The following GPR158 variants were observed in gnomAD, a reference collection of about 807,000 sequenced individuals.
GPR158 encodes the protein metabotropic glycine receptor.
GPR158 carries 30 observed loss-of-function variants against 78.2 expected under a neutral mutation model. That is an observed-to-expected ratio of 0.38 (90% CI 0.29 to 0.52). GPR158 has a LOEUF of 0.52. Ranked by LOEUF, GPR158 falls within the 20% of genes least tolerant of loss-of-function variation. The pLI, the probability that GPR158 is intolerant of heterozygous loss-of-function variation, is 0.83. For missense variants in GPR158, 1,463 were observed against 1,523.5 expected (o/e 0.96, Z 0.66); for synonymous variants, 581 against 591.1 (o/e 0.98, Z 0.25).
chr10:25,309,443 T>A (rs1398428419), intron 2 of GPR158, among the ~76,000 whole-genome samples: 1 of 152,220 alleles, frequency 6.6e-6, no homozygotes, highest in Non-Finnish European at 1.5e-5. Flanking sequence ...TTTCTGTATA[T>A]TCTGGATATA....
At chr10:25,456,426 G>A (rs1158267521) in intron 4 of GPR158, among the ~76,000 whole-genome samples, 1 of 152,160 alleles carries the variant, frequency 6.6e-6, no homozygotes, top group Non-Finnish European at 1.5e-5. Context: ...ACAGAGGATA[G>A]ACAGTGTGTT....
chr10:25,452,459 A>C (rs985886655), intron 4 of GPR158, among the ~76,000 whole-genome samples: 2 of 152,220 alleles, frequency 1.3e-5, no homozygotes, highest in Non-Finnish European at 2.9e-5. Context: ...TATTTGTGGC[A>C]GTGGAAGAGA....
At chr10:25,577,362 C>T (rs1466065865) in intron 7 of GPR158, among the ~76,000 whole-genome samples, 2 of 152,038 alleles carry the variant, frequency 1.3e-5, no homozygotes. Flanking sequence ...TAGGCTTAAC[C>T]GTGAGGGTGG....
In GPR158 at chr10:25,324,589, A is replaced by G. The variant is rs546627732; in HGVS notation, c.1009-71322A>G. ...ATTTGAAATGTTTCAAGAATTACCA[A>G]AATGTGACACACAGACGCAAAGTGA... On this transcript the variant is annotated intron_variant, in intron 2 of 10. Coordinates refer to ENST00000376351, the MANE Select transcript of GPR158 (RefSeq NM_020752.3). Among the ~76,000 whole-genome samples the G allele has an allele frequency of 6.0e-4, 91 of 152,306 alleles. 2 individuals are homozygous for G. In the South Asian group the frequency reaches 0.018, roughly 31 times the overall value.
chr10:25,580,305 C>T (rs1271323620), intron 7 of GPR158, among the ~76,000 whole-genome samples: 3 of 152,116 alleles, frequency 2.0e-5, no homozygotes. Context: ...AATACACAGT[C>T]TTTATTCTTC....
intron 4 of GPR158, among the ~76,000 whole-genome samples, chr10:25,432,309 G>A (rs902468657): frequency 7.2e-5 from 11 of 152,220 alleles, no homozygotes; most frequent in African/African-American, 2.4e-4. Flanking sequence ...CTCTGTTGGT[G>A]AAGGTGTTAG....
intron 2 of GPR158, among the ~76,000 whole-genome samples, chr10:25,361,216 A>G (rs1025850674): frequency 6.6e-6 from 1 of 151,960 alleles, no homozygotes; most frequent in African/African-American, 2.4e-5. Context: ...CTTATTTCAC[A>G]TAGCATAATG....
intron 2 of GPR158, among the ~76,000 whole-genome samples, chr10:25,248,788 G>C (rs1853743891): frequency 6.6e-6 from 1 of 150,746 alleles, no homozygotes; most frequent in East Asian, 1.9e-4. Flanking sequence ...GGATTGACTT[G>C]GCGATGTGGG....
chr10:25,188,359 C>T (rs993922802), intron 1 of GPR158, among the ~76,000 whole-genome samples: 1 of 152,204 alleles, frequency 6.6e-6, no homozygotes, highest in Admixed American at 6.5e-5. Flanking sequence ...AAGCTGGAGG[C>T]ATCATGCCAG....
At chr10:25,318,762 G>A (rs181909873) in intron 2 of GPR158, among the ~76,000 whole-genome samples, 1 of 152,144 alleles carries the variant, frequency 6.6e-6, no homozygotes, top group African/African-American at 2.4e-5. Context: ...TTATTAAAAT[G>A]AAAGTCTGAC....
chr10:25,556,511 G>C (rs1204565008), intron 6 of GPR158, among the ~76,000 whole-genome samples: 1 of 152,186 alleles, frequency 6.6e-6, no homozygotes, highest in Non-Finnish European at 1.5e-5. Context: ...CTGAACTCAT[G>C]GAGGTTTCTG....
intron 4 of GPR158, among the ~76,000 whole-genome samples, chr10:25,454,872 C>T (rs115196776): frequency 1.3e-5 from 2 of 152,002 alleles, no homozygotes; most frequent in Non-Finnish European, 2.9e-5. Context: ...ATTTCTTCTC[C>T]CCTTGAATAT....
intron 5 of GPR158, among the ~76,000 whole-genome samples, chr10:25,549,817 T>C (rs1445376307): frequency 6.6e-6 from 1 of 152,110 alleles, no homozygotes; most frequent in Non-Finnish European, 1.5e-5. Context: ...TTGTAAAATA[T>C]CAGCAAGAAA....
At chr10:25,242,731 CTT>C (rs1853642734) in intron 2 of GPR158, among the ~76,000 whole-genome samples, 2 of 152,146 alleles carry the variant, frequency 1.3e-5, no homozygotes, top group South Asian at 4.1e-4. Flanking sequence ...AGCTCAGTAA[CTT>C]GAGTGTACTT....
chr10:25,439,741 C>T (rs1259165909), intron 4 of GPR158, among the ~76,000 whole-genome samples: 1 of 152,138 alleles, frequency 6.6e-6, no homozygotes, highest in Non-Finnish European at 1.5e-5. Flanking sequence ...TACCTTGAAA[C>T]ATGTGGAAAG....
At position 25,354,480 on chromosome 10, in the gene GPR158, C is replaced by T. The variant is rs140820779; in HGVS notation, c.1009-41431C>T. Among the ~76,000 whole-genome samples the T allele has an allele frequency of 4.9e-3, 748 of 152,024 alleles. 9 individuals carry two copies. The highest frequency in any genetic ancestry group is 0.017 in the African/African-American group (726 of 41,516). ...AGCTCCATTCCCCGCTACATTTAGA[C>T]TTTGTCTCAATTTACATATTTTTAT... On this transcript the variant is annotated intron_variant, in intron 2 of 10. Coordinates refer to ENST00000376351, the MANE Select transcript of GPR158 (RefSeq NM_020752.3).
chr10:25,207,776 T>G (rs1389430200), intron 1 of GPR158, among the ~76,000 whole-genome samples: 1 of 152,168 alleles, frequency 6.6e-6, no homozygotes, highest in Non-Finnish European at 1.5e-5. Context: ...ATGATTCTAC[T>G]TAAAGAATCA....
intron 4 of GPR158, among the ~76,000 whole-genome samples, chr10:25,460,695 C>A (rs967824998): frequency 1.3e-5 from 2 of 152,162 alleles, no homozygotes; most frequent in Non-Finnish European, 2.9e-5. Context: ...TATGTATCCT[C>A]CAGACATCTA....
intron 5 of GPR158, among the ~76,000 whole-genome samples, chr10:25,513,917 G>A (rs541807289): frequency 4.6e-5 from 7 of 152,138 alleles, no homozygotes; most frequent in African/African-American, 1.4e-4. Context: ...TAAATTTATT[G>A]GGACTTGTCT....
Sources: gnomAD v4.1 joint callset for allele counts (sites outside exome capture counted in the v4.1 genomes callset) on GRCh38, gnomAD v4.1.1 for gene constraint, MANE v1.5 for transcripts, NCBI Gene and HGNC (gene_info 2026-07-23, HGNC 2026-07-21) for gene names.